USP4: variants seen among roughly 807,000 people sequenced by gnomAD.
USP4 encodes ubiquitin specific peptidase 4.
In USP4, 72 loss-of-function variants were observed where a neutral mutation model predicts 118.2. The observed-to-expected ratio is 0.61, with a 90% confidence interval of 0.50 to 0.74. USP4 has a LOEUF of 0.74. Among genes scored for constraint, USP4 ranks in the 30% least tolerant of loss-of-function variants. USP4 has a pLI of 0.00. For synonymous variants in USP4, 415 were observed against 440.4 expected, an observed-to-expected ratio of 0.94 and a Z score of 0.72; for missense variants, 1,037 against 1,185.7, an observed-to-expected ratio of 0.87 and a Z score of 1.84.
chr3:49,302,991 G>C (rs1393574019), intron 9 of USP4, among the ~76,000 whole-genome samples: 2 of 152,160 alleles, frequency 1.3e-5, no homozygotes, highest in Non-Finnish European at 2.9e-5. Context: ...CAGTTATTCT[G>C]AGAGTATGGT....
intron 19 of USP4, among the ~76,000 whole-genome samples, chr3:49,283,540 G>T (rs2047062582): frequency 6.6e-6 from 1 of 152,118 alleles, no homozygotes; most frequent in South Asian, 2.1e-4. Flanking sequence ...TAGACAGCCA[G>T]TCCCAATCCC....
At chr3:49,291,650 T>G (rs956064807) in intron 15 of USP4, among the ~76,000 whole-genome samples, 2 of 151,334 alleles carry the variant, frequency 1.3e-5, no homozygotes, top group Non-Finnish European at 2.9e-5. Context: ...ATATATGGTT[T>G]TACAGAAAGC....
At chr3:49,299,148 G>C (rs1430416091) in intron 11 of USP4, among the ~76,000 whole-genome samples, 5 of 151,940 alleles carry the variant, frequency 3.3e-5, no homozygotes, top group Non-Finnish European at 2.9e-5. Context: ...GGAGCGCAGT[G>C]ACGCGATCTT....
chr3:49,325,706 C>A lies in USP4; in HGVS notation c.487+13G>T. The A allele has an allele frequency of 2.5e-6, 4 of 1,612,678 alleles. No individual in the cohort carries two copies. Among genetic ancestry groups the A allele is most frequent in the Non-Finnish European group, 3.4e-6 (4 of 1,179,374 alleles). ...TCTCACCACATACCAGGGACCCCAGCCCAGCCTCTCACCAATGGTGTCTGC... is the reference window on the plus strand; with the variant it reads ...TCTCACCACATACCAGGGACCCCAGACCAGCCTCTCACCAATGGTGTCTGC... On this transcript the variant is annotated intron_variant, in intron 4 of 21. Coordinates refer to ENST00000265560, the MANE Select transcript of USP4 (RefSeq NM_003363.4).
rs1409266497 is a variant in USP4, at chr3:49,327,757, G to A, written c.289C>T (p.Pro97Ser). Residue 97 changes from proline to serine, a missense_variant, in exon 3 of 22, where the codon CCT becomes TCT. Physicochemically the swap from Pro to Ser is moderately conservative, Grantham distance 74. Transcript: ENST00000265560. ...LIDELDYVLV[P>S]TEAWNKLLNW... ...AGTAGTTTATTCCACGCCTCGGTAG[G>A]GACCAATACATAGTCCAATTCATCA... 3 of 1,613,920 alleles carry A rather than the reference G, an allele frequency of 1.9e-6. No individual in the cohort carries two copies. The highest frequency in any genetic ancestry group is 1.3e-5 in the African/African-American group (1 of 74,984).
intron 6 of USP4, among the ~76,000 whole-genome samples, chr3:49,315,403 A>C (rs1211655432): frequency 6.6e-6 from 1 of 152,184 alleles, no homozygotes; most frequent in Non-Finnish European, 1.5e-5. Context: ...CTCTTCAGAA[A>C]ATTTACTATA....
intron 6 of USP4, among the ~76,000 whole-genome samples, chr3:49,313,223 A>C (rs1278198785): frequency 6.6e-6 from 1 of 152,138 alleles, no homozygotes; most frequent in African/African-American, 2.4e-5. Context: ...TATTAGTGAA[A>C]GGCAAAGAAA....
chr3:49,321,437 T>C (rs1303405231), intron 6 of USP4, among the ~76,000 whole-genome samples: 1 of 152,130 alleles, frequency 6.6e-6, no homozygotes, highest in Non-Finnish European at 1.5e-5. Context: ...TGGAATATTA[T>C]AGATACTAGT....
intron 3 of USP4, 145 bp downstream of exon 3, chr3:49,327,538 CAAA>C: frequency 2.7e-6 from 2 of 746,832 alleles, no homozygotes; most frequent in Non-Finnish European, 4.0e-6. Flanking sequence ...GACTCCATCT[CAAA>C]AAAAAAAGAG....
chr3:49,309,916 A>G (rs1201029192), intron 8 of USP4, among the ~76,000 whole-genome samples: 1 of 100,464 alleles, frequency 1.0e-5, no homozygotes, highest in African/African-American at 3.8e-5. Context: ...CGTGAGCCAC[A>G]GTGCTGCCCC....
At chr3:49,280,137 C>T (rs577921352) in intron 20 of USP4, among the ~76,000 whole-genome samples, 23 of 152,114 alleles carry the variant, frequency 1.5e-4, no homozygotes, top group African/African-American at 5.3e-4. Context: ...GTGGCGCACA[C>T]CTGTAATCCC....
chr3:49,288,084 G>A (rs1259147233), intron 15 of USP4, among the ~76,000 whole-genome samples: 1 of 152,200 alleles, frequency 6.6e-6, no homozygotes, highest in East Asian at 1.9e-4. Flanking sequence ...TGCTATTTAA[G>A]AGCCCACAAC....
At chr3:49,333,183 C>T (rs1476163709) in intron 2 of USP4, among the ~76,000 whole-genome samples, 2 of 143,074 alleles carry the variant, frequency 1.4e-5, no homozygotes, top group Non-Finnish European at 3.0e-5. Context: ...TCACTTCTGT[C>T]GCCCAAGCTG....
intron 6 of USP4, among the ~76,000 whole-genome samples, chr3:49,315,208 C>G (rs2047422876): frequency 6.6e-6 from 1 of 151,990 alleles, no homozygotes. Flanking sequence ...AAAAGCCAGG[C>G]ATAGCAGCAC....
chr3:49,315,104 A>T lies in USP4; in HGVS notation c.696-3450T>A, dbSNP rs28533514. ...CTTGAAAATTAACACAGTAAGATTT[A>T]AAAAAAAAAAAACTCTATCCTTAGG... On this transcript the variant is annotated intron_variant, in intron 6 of 21. Coordinates refer to ENST00000265560, the MANE Select transcript of USP4 (RefSeq NM_003363.4). Among the ~76,000 whole-genome samples the T allele has an allele frequency of 9.7e-3, 1,403 of 144,994 alleles. 22 individuals are homozygous for T. Among genetic ancestry groups the T allele is most frequent in the African/African-American group, 0.033 (1,321 of 40,074 alleles).
intron 10 of USP4, 49 bp from the exon 11 acceptor site, chr3:49,300,740 G>T: frequency 6.4e-7 from 1 of 1,557,108 alleles, no homozygotes; most frequent in Non-Finnish European, 8.8e-7. Flanking sequence ...TCAGCCCCTT[G>T]CCCCTGCATC....
At chr3:49,332,090 T>C (rs1559481681) in intron 2 of USP4, among the ~76,000 whole-genome samples, 1 of 151,718 alleles carries the variant, frequency 6.6e-6, no homozygotes, top group Non-Finnish European at 1.5e-5. Flanking sequence ...CTGGCCAACG[T>C]GCTGAAATCC....
At chr3:49,282,037 A>G (rs1001375554) in intron 19 of USP4, among the ~76,000 whole-genome samples, 1 of 150,818 alleles carries the variant, frequency 6.6e-6, no homozygotes, top group African/African-American at 2.4e-5. Context: ...AAACAAAAAA[A>G]ACAACAACAA....
At chr3:49,291,632 T>C (rs1021683697) in intron 15 of USP4, among the ~76,000 whole-genome samples, 1 of 151,104 alleles carries the variant, frequency 6.6e-6, no homozygotes, top group Admixed American at 6.6e-5. Context: ...AGCACTAGCT[T>C]GAAAGACATA....
Sources: allele counts gnomAD v4.1 joint callset (sites outside exome capture counted in the v4.1 genomes callset), GRCh38; gene constraint gnomAD v4.1.1; transcripts MANE v1.5; gene names NCBI Gene and HGNC (gene_info 2026-07-23, HGNC 2026-07-21).